DAB1: variants seen among roughly 807,000 people sequenced by gnomAD.
DAB1 encodes the protein disabled homolog 1.
Under a neutral mutation model 64.6 loss-of-function variants are expected in DAB1, and 15 were observed. That is an observed-to-expected ratio of 0.23 (90% CI 0.16 to 0.36). The LOEUF is 0.36. DAB1 is among the 10% of genes least tolerant of loss of function. DAB1 has a pLI of 1.00. For missense variants in DAB1, 596 were observed against 706.7 expected, an observed-to-expected ratio of 0.84 and a Z score of 1.78; for synonymous variants, 235 against 251.9, an observed-to-expected ratio of 0.93 and a Z score of 0.64.
At chr1:57,539,166 C>T (rs1275111068) in intron 7 of DAB1, among the ~76,000 whole-genome samples, 3 of 152,168 alleles carry the variant, frequency 2.0e-5, no homozygotes, top group Admixed American at 1.3e-4. Flanking sequence ...CCAAGTATGT[C>T]TAATTAATGA....
At chr1:57,183,573 A>T (rs1387494490) in intron 2 of DAB1, among the ~76,000 whole-genome samples, 1 of 152,146 alleles carries the variant, frequency 6.6e-6, no homozygotes, top group Non-Finnish European at 1.5e-5. Flanking sequence ...GTCCCATGTC[A>T]CATTCTGATG....
chr1:57,459,501 T>C (rs936203502), intron 7 of DAB1, among the ~76,000 whole-genome samples: 1 of 152,166 alleles, frequency 6.6e-6, no homozygotes, highest in Non-Finnish European at 1.5e-5. Context: ...TGGCTTTTGG[T>C]ATGTGTGGCC....
At chr1:58,339,921 T>C (rs911438057) in intron 4 of DAB1, among the ~76,000 whole-genome samples, 2 of 152,194 alleles carry the variant, frequency 1.3e-5, no homozygotes, top group African/African-American at 2.4e-5. Flanking sequence ...GCCAATATGT[T>C]TTCCACTGAA....
chr1:58,440,844 G>A (rs1418615501), intron 3 of DAB1, among the ~76,000 whole-genome samples: 1 of 152,138 alleles, frequency 6.6e-6, no homozygotes, highest in Non-Finnish European at 1.5e-5. Flanking sequence ...GATCTCAAGT[G>A]GAAATAATTT....
intron 7 of DAB1, among the ~76,000 whole-genome samples, chr1:57,459,023 C>A (rs142395737): frequency 6.6e-6 from 1 of 151,730 alleles, no homozygotes; most frequent in African/African-American, 2.4e-5. Context: ...TTGATGAAAA[C>A]CTTTAACTGA....
At chr1:58,226,717 T>G (rs1418022732) in intron 4 of DAB1, among the ~76,000 whole-genome samples, 1 of 152,184 alleles carries the variant, frequency 6.6e-6, no homozygotes, top group African/African-American at 2.4e-5. Context: ...GTATAATCCT[T>G]AGGAGGTAGG....
At chr1:58,159,544 G>A (rs1028374947) in intron 4 of DAB1, among the ~76,000 whole-genome samples, 3 of 152,148 alleles carry the variant, frequency 2.0e-5, no homozygotes, top group Non-Finnish European at 4.4e-5. Flanking sequence ...ATGAGTGCAT[G>A]CATATGTAAA....
At chr1:57,036,389 T>C (rs1044094590) in intron 9 of DAB1, among the ~76,000 whole-genome samples, 5 of 152,162 alleles carry the variant, frequency 3.3e-5, no homozygotes, top group African/African-American at 4.8e-5. Flanking sequence ...TAACTCTGGC[T>C]CAGTCATTTC....
intron 4 of DAB1, among the ~76,000 whole-genome samples, chr1:58,205,300 T>C (rs945164703): frequency 2.0e-5 from 3 of 152,176 alleles, no homozygotes; most frequent in South Asian, 4.2e-4. Context: ...TCTGCAAAGA[T>C]TGTGTTATTT....
At chr1:58,248,186 C>T (rs146675419) in intron 4 of DAB1, among the ~76,000 whole-genome samples, 498 of 152,214 alleles carry the variant, frequency 3.3e-3, no homozygotes, top group African/African-American at 0.011. Flanking sequence ...CCCTGCACAC[C>T]AGTATCACCA....
At chr1:57,879,722 C>T (rs1644112457) in intron 1 of DAB1, among the ~76,000 whole-genome samples, 1 of 152,130 alleles carries the variant, frequency 6.6e-6, no homozygotes, top group African/African-American at 2.4e-5. Context: ...GTGACTCCAC[C>T]TGGCTGACAC....
chr1:58,111,248 C>G (rs879230148), intron 5 of DAB1, among the ~76,000 whole-genome samples: 1 of 152,224 alleles, frequency 6.6e-6, no homozygotes, highest in Admixed American at 6.5e-5. Context: ...CAAGTTACTT[C>G]TCCTCTCTGG....
intron 5 of DAB1, among the ~76,000 whole-genome samples, chr1:58,028,160 T>TGTTC (rs777389773): frequency 0.029 from 4,390 of 152,304 alleles, 165 homozygotes; most frequent in African/African-American, 0.082. Context: ...CAGTTGATTA[T>TGTTC]TATCTGCAGT....
intron 5 of DAB1, among the ~76,000 whole-genome samples, chr1:57,893,099 C>A (rs1417614701): frequency 6.6e-6 from 1 of 150,708 alleles, no homozygotes; most frequent in East Asian, 2.0e-4. Flanking sequence ...GTGAATATTG[C>A]AGAGAGATTC....
chr1:58,392,477 AG>A (rs1051039666), intron 3 of DAB1, among the ~76,000 whole-genome samples: 29 of 152,268 alleles, frequency 1.9e-4, no homozygotes, highest in African/African-American at 7.0e-4. Flanking sequence ...TTGCCACCTC[AG>A]GGGACTCACC....
chr1:58,048,497 C>T (rs879450816), intron 5 of DAB1: 5 of 1,310,210 alleles, frequency 3.8e-6, no homozygotes, highest in Non-Finnish European at 5.5e-6. Context: ...ACTTCCATAG[C>T]CTCTGCTTCC....
intron 4 of DAB1, among the ~76,000 whole-genome samples, chr1:58,308,662 A>G (rs1473160976): frequency 3.3e-5 from 5 of 152,176 alleles, no homozygotes; most frequent in Admixed American, 3.3e-4. Flanking sequence ...TTAGTTTGCT[A>G]TACTTAGTCC....
rs79106807 is a variant in DAB1 at position 57,037,115 on chromosome 1, C to T, written c.724-11072G>A. ...TGGATTGTACTGGTCTAGGGTGGGGCCCTGGCATCAGTAGGTTTTAAAAGC... is the reference window on the plus strand; with the variant it reads ...TGGATTGTACTGGTCTAGGGTGGGGTCCTGGCATCAGTAGGTTTTAAAAGC... On this transcript the variant is annotated intron_variant, in intron 9 of 14. Transcript: ENST00000371236. Among the ~76,000 whole-genome samples the T allele has an allele frequency of 2.4e-4, 36 of 152,270 alleles. 1 individual carries two copies. In the East Asian group the frequency reaches 6.4e-3, roughly 27 times the overall value.
intron 2 of DAB1, among the ~76,000 whole-genome samples, chr1:57,179,333 TC>T (rs1662665355): frequency 6.6e-6 from 1 of 152,096 alleles, no homozygotes; most frequent in African/African-American, 2.4e-5. Context: ...ACTAAACATC[TC>T]CGTGACTGGG....
Sources: gnomAD v4.1 joint callset for allele counts (sites outside exome capture counted in the v4.1 genomes callset) on GRCh38, gnomAD v4.1.1 for gene constraint, MANE v1.5 for transcripts, NCBI Gene and HGNC (gene_info 2026-07-23, HGNC 2026-07-21) for gene names.